Variants in PHF21A observed in about 807,000 individuals in gnomAD.
The protein encoded by PHF21A is PHD finger protein 21A, also known as BHC80a.
In PHF21A, 11 loss-of-function variants were observed where a neutral mutation model predicts 82.5. That is an observed-to-expected ratio of 0.13 (90% confidence interval 0.08 to 0.22). PHF21A has a LOEUF of 0.22. PHF21A is among the 10% of genes least tolerant of loss of function. The pLI is 1.00. For synonymous variants in PHF21A, 297 were observed against 302.8 expected (o/e 0.98, Z 0.20); for missense variants, 579 against 837.8 (o/e 0.69, Z 3.81).
chr11:46,016,292 T>C (rs1181062698), intron 6 of PHF21A, among the ~76,000 whole-genome samples: 2 of 152,230 alleles, frequency 1.3e-5, no homozygotes, highest in Non-Finnish European at 2.9e-5. Flanking sequence ...TGTCATTTCA[T>C]GACTCAAAAT....
chr11:46,058,257 A>G (rs1287613816), intron 6 of PHF21A, among the ~76,000 whole-genome samples: 1 of 152,220 alleles, frequency 6.6e-6, no homozygotes, highest in East Asian at 1.9e-4. Context: ...ATTTACTTAG[A>G]AAAAAATGAA....
intron 13 of PHF21A, 65 bp downstream of exon 13, chr11:45,949,337 G>C (rs529493550): frequency 7.8e-7 from 1 of 1,288,112 alleles, no homozygotes; most frequent in East Asian, 2.3e-5. Flanking sequence ...TCAGAGGGGA[G>C]GCACTGAACA....
At chr11:45,957,496 A>T (rs2092726221) in intron 10 of PHF21A, among the ~76,000 whole-genome samples, 1 of 152,162 alleles carries the variant, frequency 6.6e-6, no homozygotes, top group Non-Finnish European at 1.5e-5. Flanking sequence ...TAGAAAACTC[A>T]CAAGTGTATG....
chr11:45,952,443 A>G (rs1353098313), intron 11 of PHF21A, among the ~76,000 whole-genome samples: 1 of 152,118 alleles, frequency 6.6e-6, no homozygotes, highest in Admixed American at 6.5e-5. Flanking sequence ...AGGTCTCACT[A>G]TGTTTGCCCA....
At chr11:46,106,563 T>A (rs2097154636) in intron 1 of PHF21A, among the ~76,000 whole-genome samples, 1 of 152,222 alleles carries the variant, frequency 6.6e-6, no homozygotes, top group African/African-American at 2.4e-5. Flanking sequence ...CGAGATATGA[T>A]GATTTCAATA....
At chr11:45,942,173 A>T (rs868649151) in intron 15 of PHF21A, among the ~76,000 whole-genome samples, 3 of 152,248 alleles carry the variant, frequency 2.0e-5, no homozygotes, top group Admixed American at 6.5e-5. Flanking sequence ...GGAGTTCTTT[A>T]GAAAAGCTTT....
rs1175682627 is a variant in PHF21A at position 45,930,953 on chromosome 11, A to C, written c.*3015T>G. On this transcript the variant is annotated 3_prime_UTR_variant, in exon 19 of 19. Coordinates refer to ENST00000676320, the MANE Select transcript of PHF21A (RefSeq NM_001352027.3). The stretch of plus-strand genomic sequence containing the variant: ...TCTGAGGGGACAGTGAAGGACAGGG[A>C]GATTGGGTGCCAGGGGCCTCTTCTT... 1.7e-5 allele frequency: 2 copies of C among 115,920 alleles called. No homozygotes were observed. Among genetic ancestry groups the C allele is most frequent in the African/African-American group, 3.2e-5 (1 of 30,794 alleles). The allele number at this position is 115,920 out of a possible 1,614,324, so 7.2% of individuals were successfully genotyped here.
At chr11:46,104,052 G>C (rs185938106) in intron 1 of PHF21A, among the ~76,000 whole-genome samples, 100 of 152,218 alleles carry the variant, frequency 6.6e-4, no homozygotes, top group African/African-American at 2.4e-3. Flanking sequence ...ATTAAATATA[G>C]AAAGAAAATA....
intron 10 of PHF21A, 32 bp downstream of exon 10, chr11:45,965,283 C>T: frequency 6.2e-7 from 1 of 1,601,564 alleles, no homozygotes; most frequent in Non-Finnish European, 8.5e-7. Context: ...GACAAGGCTA[C>T]TGCCCAGAGC....
At chr11:46,090,765 T>C (rs2096915181) in intron 2 of PHF21A, among the ~76,000 whole-genome samples, 199 bp from the exon 3 acceptor site, 1 of 151,890 alleles carries the variant, frequency 6.6e-6, no homozygotes, top group Non-Finnish European at 1.5e-5. Context: ...TAACAACCTG[T>C]CAGGGATCTA....
chr11:45,971,543 A>G (rs142404612), intron 7 of PHF21A, among the ~76,000 whole-genome samples, 176 bp from the exon 8 acceptor site: 1 of 152,338 alleles, frequency 6.6e-6, no homozygotes, highest in East Asian at 1.9e-4. Flanking sequence ...TCCTTACTAC[A>G]GAGAAAGGCA....
intron 15 of PHF21A, among the ~76,000 whole-genome samples, chr11:45,938,573 T>A (rs192067671): frequency 1.3e-4 from 20 of 152,172 alleles, no homozygotes; most frequent in Admixed American, 1.2e-3. Flanking sequence ...GCCTGAAACC[T>A]CCGTACTGAA....
intron 6 of PHF21A, among the ~76,000 whole-genome samples, chr11:46,028,740 A>G (rs987874639): frequency 6.6e-6 from 1 of 151,794 alleles, no homozygotes; most frequent in African/African-American, 2.4e-5. Flanking sequence ...CGCCCAGCTA[A>G]TTTCTGTATT....
chr11:45,989,804 G>A (rs1009261777), intron 6 of PHF21A, among the ~76,000 whole-genome samples: 1 of 152,108 alleles, frequency 6.6e-6, no homozygotes, highest in African/African-American at 2.4e-5. Flanking sequence ...TTCGAGACCA[G>A]CCTGGGCAAC....
chr11:46,030,283 A>G lies in PHF21A; in HGVS notation c.153+46471T>C, dbSNP rs2095838661. On this transcript the variant is annotated intron_variant, in intron 6 of 18. Transcript: ENST00000676320. ...CTTTAAAAGGGTGTCAAGACAATAT[A>G]AAATTATTTTTTCTCTCCATAAGTT... Among the ~76,000 whole-genome samples, 3 of 152,204 alleles carry G rather than the reference A, an allele frequency of 2.0e-5. 1 individual carries two copies. The South Asian group carries it at 6.2e-4, about 32-fold the overall frequency.
In PHF21A at chr11:45,933,196, T is replaced by C. The variant is rs1308091943; in HGVS notation, c.*772A>G. ...CCAGTGGCCCGGGCTCTGCTTGTTC[T>C]TGGAGAGGAGACAGCGGGATAACCA... On this transcript the variant is annotated 3_prime_UTR_variant, in exon 19 of 19. Transcript: ENST00000676320. The C allele has an allele frequency of 1.3e-5, 2 of 152,556 alleles. No homozygotes were observed. Among genetic ancestry groups the C allele is most frequent in the African/African-American group, 4.8e-5 (2 of 41,434 alleles). The allele number at this position is 152,556 out of a possible 1,614,324, so 9.5% of individuals were successfully genotyped here.
chr11:45,996,172 G>A (rs932720417), intron 6 of PHF21A, among the ~76,000 whole-genome samples: 4 of 152,028 alleles, frequency 2.6e-5, no homozygotes, highest in African/African-American at 7.2e-5. Context: ...AGAAACCCCC[G>A]GCTTCAAGTC....
At chr11:45,963,632 G>A (rs1390214989) in intron 10 of PHF21A, among the ~76,000 whole-genome samples, 1 of 152,012 alleles carries the variant, frequency 6.6e-6, no homozygotes, top group Non-Finnish European at 1.5e-5. Context: ...GAAAAGAAAT[G>A]TAAAAATAAA....
chr11:46,059,332 T>C (rs1238395355), intron 6 of PHF21A, among the ~76,000 whole-genome samples: 3 of 152,194 alleles, frequency 2.0e-5, no homozygotes, highest in Non-Finnish European at 4.4e-5. Flanking sequence ...AAAACTATTA[T>C]TCCTGAAGAA....
Sources: allele counts gnomAD v4.1 joint callset (sites outside exome capture counted in the v4.1 genomes callset), GRCh38; gene constraint gnomAD v4.1.1; transcripts MANE v1.5; gene names NCBI Gene and HGNC (gene_info 2026-07-23, HGNC 2026-07-21).